Variants in RBM6 observed in about 807,000 individuals in gnomAD.
RBM6 encodes the protein RNA binding motif protein 6, also known as RNA-binding protein 6.
RBM6 carries 23 observed loss-of-function variants against 140.4 expected under a neutral mutation model. The ratio of observed to expected loss-of-function variants is 0.16; its 90% CI spans 0.12 to 0.23. The LOEUF is 0.23. Ranked by LOEUF, RBM6 falls within the 10% of genes least tolerant of loss-of-function variation. RBM6 has a pLI of 1.00. For synonymous variants in RBM6, 439 were observed against 475.6 expected, an observed-to-expected ratio of 0.92 and a Z score of 1.00; for missense variants, 1,139 against 1,386.7, an observed-to-expected ratio of 0.82 and a Z score of 2.84.
At chr3:49,993,377 C>T (rs1309981692) in intron 5 of RBM6, among the ~76,000 whole-genome samples, 2 of 152,188 alleles carry the variant, frequency 1.3e-5, no homozygotes, top group Non-Finnish European at 2.9e-5. Flanking sequence ...TCAGGTGGCT[C>T]ACTCCTATAA....
chr3:50,068,776 T>A lies in RBM6; in HGVS notation c.3018+12T>A. On this transcript the variant is annotated intron_variant, in intron 18 of 20. Coordinates refer to ENST00000266022, the MANE Select transcript of RBM6 (RefSeq NM_005777.3). ...GGAGAGAACGAGAGGTAAACTTTGG[T>A]GACCTATTACTCCCTTGACCTCAGC... The A allele has an allele frequency of 6.2e-7, 1 of 1,611,748 alleles. No individual in the cohort carries two copies. The highest frequency in any genetic ancestry group is 8.5e-7 in the Non-Finnish European group (1 of 1,177,820).
At chr3:49,997,353 G>C (rs2086133228) in intron 5 of RBM6, among the ~76,000 whole-genome samples, 1 of 152,086 alleles carries the variant, frequency 6.6e-6, no homozygotes, top group African/African-American at 2.4e-5. Flanking sequence ...TGCTCATAAT[G>C]TTTTCTGTAT....
At chr3:50,033,532 C>T (rs1450070383) in intron 6 of RBM6, among the ~76,000 whole-genome samples, 1 of 152,166 alleles carries the variant, frequency 6.6e-6, no homozygotes, top group African/African-American at 2.4e-5. Context: ...TGCTGTGGAA[C>T]ATCCAGCACT....
intron 1 of RBM6, among the ~76,000 whole-genome samples, chr3:49,947,096 AAAAAAATT>A (rs2083520924): frequency 6.6e-6 from 1 of 150,792 alleles, no homozygotes; most frequent in Non-Finnish European, 1.5e-5. Context: ...AAAAAAAAAA[AAAAAAATT>A]AGCCGGGCGC....
chr3:49,983,392 C>T (rs1023233545), intron 5 of RBM6, among the ~76,000 whole-genome samples: 1 of 151,372 alleles, frequency 6.6e-6, no homozygotes, highest in Non-Finnish European at 1.5e-5. Flanking sequence ...CTCAACAGTC[C>T]GAGACATGAG....
chr3:49,972,636 T>G (rs982996137), intron 4 of RBM6, among the ~76,000 whole-genome samples: 4 of 152,248 alleles, frequency 2.6e-5, no homozygotes, highest in Admixed American at 6.5e-5. Context: ...GTTCATTTAA[T>G]TATCACATAT....
chr3:49,957,416 G>A (rs1418769025), intron 1 of RBM6, among the ~76,000 whole-genome samples: 2 of 150,588 alleles, frequency 1.3e-5, no homozygotes, highest in South Asian at 2.1e-4. Context: ...AGTGCTTGTC[G>A]TGCTAGGACA....
intron 8 of RBM6, among the ~76,000 whole-genome samples, chr3:50,056,643 G>A (rs1018440277): frequency 6.6e-6 from 1 of 152,134 alleles, no homozygotes; most frequent in Non-Finnish European, 1.5e-5. Flanking sequence ...ACTAAGATGA[G>A]ACAGCTTTAA....
At position 50,077,024 on chromosome 3, in the gene RBM6, G is replaced by A; in HGVS notation, c.3263G>A (p.Arg1088Lys). The A allele has an allele frequency of 6.2e-7, 1 of 1,611,440 alleles. No homozygotes were observed. Among genetic ancestry groups the A allele is most frequent in the Non-Finnish European group, 8.5e-7 (1 of 1,179,458 alleles). ...ASSEEAEGRM[R>K]GPSVGASGRT... ...GTTTTACAGGCTGAAGGCCGGATGA[G>A]GGGCCCCAGTGTTGGAGCCTCAGGA... Residue 1088 changes from arginine (R) to lysine (K), a missense_variant, in exon 21 of 21, where the codon AGG becomes AAG. Physicochemically the swap from Arg to Lys is conservative, Grantham distance 26. Transcript: ENST00000266022.
rs1366321800 is a variant in RBM6 at position 50,040,466 on chromosome 3, AAAAAAATATATAT to A, written c.1558-7777_1558-7765del. On this transcript the variant is annotated intron_variant, in intron 6 of 20. Coordinates refer to ENST00000266022, the MANE Select transcript of RBM6 (RefSeq NM_005777.3). ...TTCTCAAAAAAAAAAAAAAAAAAAA[AAAAAAATATATAT>A]ATATATATATATATACACACACACA... Among the ~76,000 whole-genome samples the A allele has an allele frequency of 3.5e-3, 119 of 34,066 alleles. No individual in the cohort carries two copies. The South Asian group carries it at 0.042, about 12-fold the overall frequency. 22.3% of individuals were successfully genotyped at this position (34,066 alleles called of 152,430 possible).
intron 1 of RBM6, among the ~76,000 whole-genome samples, chr3:49,943,311 A>AT (rs35154751): frequency 0.032 from 4,777 of 150,136 alleles, 261 homozygotes; most frequent in African/African-American, 0.11. Context: ...TATTTTATTT[A>AT]TTTTTTTTTG....
At chr3:50,052,830 A>C (rs2089526112) in intron 7 of RBM6, among the ~76,000 whole-genome samples, 2 of 152,176 alleles carry the variant, frequency 1.3e-5, no homozygotes, top group Non-Finnish European at 2.9e-5. Context: ...TCACGCAAGC[A>C]GTGGCTCCTA....
chr3:49,973,198 G>A (rs192784649), intron 4 of RBM6, among the ~76,000 whole-genome samples: 2 of 152,084 alleles, frequency 1.3e-5, no homozygotes, highest in Non-Finnish European at 2.9e-5. Flanking sequence ...GCACAATCAC[G>A]GCTCACTGCA....
chr3:49,943,691 C>A (rs1384894971), intron 1 of RBM6, among the ~76,000 whole-genome samples: 1 of 152,162 alleles, frequency 6.6e-6, no homozygotes, highest in East Asian at 1.9e-4. Flanking sequence ...TGGCCTCAAG[C>A]CATTTTCCCT....
chr3:50,009,170 CCT>C (rs1222836014), intron 6 of RBM6, among the ~76,000 whole-genome samples: 2 of 152,264 alleles, frequency 1.3e-5, no homozygotes, highest in Middle Eastern at 3.4e-3. Flanking sequence ...TTGTTCAGGA[CCT>C]CTCGGGATTT....
intron 6 of RBM6, among the ~76,000 whole-genome samples, chr3:50,026,028 G>A (rs551259333): frequency 1.5e-4 from 23 of 152,048 alleles, no homozygotes; most frequent in African/African-American, 5.5e-4. Context: ...AGGTTGCAGT[G>A]AACCAATATC....
chr3:49,941,248 G>T (rs2083269059), intron 1 of RBM6, among the ~76,000 whole-genome samples: 1 of 152,112 alleles, frequency 6.6e-6, no homozygotes, highest in South Asian at 2.1e-4. Context: ...TACCATTTTG[G>T]TGAAACACAA....
intron 6 of RBM6, among the ~76,000 whole-genome samples, chr3:49,999,787 A>G (rs1347932604): frequency 1.3e-5 from 2 of 151,132 alleles, no homozygotes; most frequent in African/African-American, 4.9e-5. Context: ...AAAAAAAGAC[A>G]CATCTGGAGT....
At chr3:49,975,485 C>T in intron 5 of RBM6, 93 bp downstream of exon 5, 3 of 1,126,370 alleles carry the variant, frequency 2.7e-6, no homozygotes, top group Middle Eastern at 2.0e-4. Context: ...TTCAAGAAAC[C>T]ACAATTAAAA....
Sources: allele counts gnomAD v4.1 joint callset (sites outside exome capture counted in the v4.1 genomes callset), GRCh38; gene constraint gnomAD v4.1.1; transcripts MANE v1.5; gene names NCBI Gene and HGNC (gene_info 2026-07-23, HGNC 2026-07-21).